ZBTB20: variants seen among roughly 807,000 people sequenced by gnomAD.
ZBTB20 encodes the protein zinc finger and BTB domain containing 20.
In ZBTB20, 9 loss-of-function variants were observed where a neutral mutation model predicts 56.9. The observed-to-expected ratio is 0.16, with a 90% CI of 0.10 to 0.28. The LOEUF (loss-of-function observed/expected upper bound fraction) is 0.28. Ranked by LOEUF, ZBTB20 falls within the 10% of genes least tolerant of loss-of-function variation. The pLI is 1.00. For missense variants in ZBTB20, 655 were observed against 1,003.0 expected (o/e 0.65, Z 4.69); for synonymous variants, 417 against 420.7 (o/e 0.99, Z 0.11).
intron 5 of ZBTB20, among the ~76,000 whole-genome samples, chr3:114,773,340 T>G (rs1308737574): frequency 6.6e-6 from 1 of 152,286 alleles, no homozygotes; most frequent in East Asian, 1.9e-4. Context: ...AACAAATATA[T>G]TATCCAACAT....
chr3:115,033,893 G>A (rs1031081817), intron 2 of ZBTB20, among the ~76,000 whole-genome samples: 1 of 151,624 alleles, frequency 6.6e-6, no homozygotes, highest in Non-Finnish European at 1.5e-5. Context: ...ATATTAAAAG[G>A]ATTTTACCCT....
At chr3:115,118,703 A>ATT (rs35607205) in intron 1 of ZBTB20, among the ~76,000 whole-genome samples, 3,917 of 82,370 alleles carry the variant, frequency 0.048, 530 homozygotes, top group African/African-American at 0.1. Flanking sequence ...CCTGGTACAA[A>ATT]TTTTTTTTTT....
chr3:114,557,057 AT>A (rs2051324609), intron 6 of ZBTB20, among the ~76,000 whole-genome samples: 2 of 152,024 alleles, frequency 1.3e-5, no homozygotes, highest in African/African-American at 4.8e-5. Context: ...GGAAGAATGC[AT>A]TATGGTTTAG....
chr3:114,852,389 G>A (rs139545955), intron 4 of ZBTB20, among the ~76,000 whole-genome samples: 1,608 of 151,754 alleles, frequency 0.011, 27 homozygotes, highest in African/African-American at 0.036. Context: ...TCAGTCTACC[G>A]AGTGGCTGGG....
At chr3:114,548,379 T>C (rs371289030) in intron 6 of ZBTB20, among the ~76,000 whole-genome samples, 1 of 152,192 alleles carries the variant, frequency 6.6e-6, no homozygotes, top group Non-Finnish European at 1.5e-5. Context: ...ATTTCTCTCA[T>C]GCAACTTCTG....
At chr3:114,403,570 T>C (rs2087013657) in intron 7 of ZBTB20, among the ~76,000 whole-genome samples, 1 of 151,898 alleles carries the variant, frequency 6.6e-6, no homozygotes, top group Admixed American at 6.6e-5. Context: ...ATAGGTATTA[T>C]AGGATTCATA....
At chr3:114,968,731 G>T (rs1213135548) in intron 3 of ZBTB20, among the ~76,000 whole-genome samples, 1 of 152,098 alleles carries the variant, frequency 6.6e-6, no homozygotes, top group Non-Finnish European at 1.5e-5. Context: ...CAAAAGAAAT[G>T]ATTTTTATAA....
At chr3:115,101,200 A>G (rs2083571720) in intron 1 of ZBTB20, among the ~76,000 whole-genome samples, 1 of 152,236 alleles carries the variant, frequency 6.6e-6, no homozygotes, top group Admixed American at 6.5e-5. Flanking sequence ...CACAATCAGG[A>G]TGATATTTCA....
intron 7 of ZBTB20, among the ~76,000 whole-genome samples, chr3:114,420,626 C>G (rs2089068987): frequency 6.6e-6 from 1 of 152,138 alleles, no homozygotes; most frequent in Non-Finnish European, 1.5e-5. Flanking sequence ...AGACAAGTCC[C>G]TGTGCATTTC....
chr3:114,867,941 C>T (rs2075833915), intron 4 of ZBTB20, among the ~76,000 whole-genome samples: 1 of 152,146 alleles, frequency 6.6e-6, no homozygotes, highest in Non-Finnish European at 1.5e-5. Context: ...GTTAGACACC[C>T]TCTCTGTCAA....
At chr3:115,100,578 A>G (rs1273224498) in intron 1 of ZBTB20, 2 of 152,208 alleles carry the variant, frequency 1.3e-5, no homozygotes, top group Non-Finnish European at 2.9e-5. Context: ...TGCCAGACTA[A>G]CAGAGTGAAA....
At chr3:114,723,616 C>T (rs190588453) in intron 5 of ZBTB20, among the ~76,000 whole-genome samples, 67 of 152,260 alleles carry the variant, frequency 4.4e-4, no homozygotes, top group Non-Finnish European at 6.2e-4. Flanking sequence ...ACTCACAGAT[C>T]GGAATCTCTA....
At chr3:114,549,022 T>C (rs753272773) in intron 6 of ZBTB20, among the ~76,000 whole-genome samples, 1 of 152,240 alleles carries the variant, frequency 6.6e-6, no homozygotes, top group African/African-American at 2.4e-5. Flanking sequence ...CCTCTTAATA[T>C]ACTAAGGTAT....
chr3:114,393,820 C>T (rs571767938), intron 7 of ZBTB20, among the ~76,000 whole-genome samples: 3 of 152,226 alleles, frequency 2.0e-5, no homozygotes, highest in South Asian at 2.1e-4. Context: ...TCTTGGAACC[C>T]AGCTGGCAAG....
intron 5 of ZBTB20, among the ~76,000 whole-genome samples, chr3:114,755,548 G>T (rs191697971): frequency 2.0e-5 from 3 of 152,128 alleles, no homozygotes; most frequent in Admixed American, 2.0e-4. Flanking sequence ...TCTTTGATTT[G>T]CTGCTAAAAT....
At chr3:114,695,038 C>T (rs1476640196) in intron 5 of ZBTB20, among the ~76,000 whole-genome samples, 5 of 151,954 alleles carry the variant, frequency 3.3e-5, no homozygotes, top group African/African-American at 1.2e-4. Flanking sequence ...CACTGAAACA[C>T]GGAAAATATT....
chr3:114,787,376 CA>C (rs1222972975), intron 5 of ZBTB20, among the ~76,000 whole-genome samples: 1 of 132,240 alleles, frequency 7.6e-6, no homozygotes, highest in Non-Finnish European at 1.6e-5. Flanking sequence ...TATACACACA[CA>C]CACACACACA....
intron 8 of ZBTB20, among the ~76,000 whole-genome samples, chr3:114,383,857 G>C (rs1028598150): frequency 6.6e-6 from 1 of 152,194 alleles, no homozygotes; most frequent in African/African-American, 2.4e-5. Context: ...GTCATAATTA[G>C]TTGAAAATAC....
At chr3:114,389,905 AAAAAG>A (rs1392737562) in intron 7 of ZBTB20, among the ~76,000 whole-genome samples, 1 of 151,784 alleles carries the variant, frequency 6.6e-6, no homozygotes, top group Admixed American at 6.6e-5. Context: ...AAAAAAAAAA[AAAAAG>A]AATTACCTCA....
Sources: allele counts gnomAD v4.1 joint callset (sites outside exome capture counted in the v4.1 genomes callset), GRCh38; gene constraint gnomAD v4.1.1; transcripts MANE v1.5; gene names NCBI Gene and HGNC (gene_info 2026-07-23, HGNC 2026-07-21).